The following IL4R variants were observed in gnomAD, a reference collection of about 807,000 sequenced individuals.
IL4R encodes the protein interleukin-4 receptor subunit alpha.
Under a neutral mutation model 41.5 loss-of-function variants are expected in IL4R, and 17 were observed. The observed-to-expected ratio is 0.41, with a 90% confidence interval of 0.28 to 0.61. The LOEUF (loss-of-function observed/expected upper bound fraction) is 0.61. Ranked by LOEUF, IL4R falls within the 20% of genes least tolerant of loss-of-function variation. The probability of loss-of-function intolerance (pLI) is 0.31; values close to 1 mark genes in which losing one functional copy is unlikely to be tolerated. For synonymous variants in IL4R, 402 were observed against 422.9 expected (o/e 0.95, Z 0.61); for missense variants, 974 against 1,043.1 (o/e 0.93, Z 0.91).
rs372423330 is a variant in IL4R at position 27,323,337 on chromosome 16, C to T, written c.-151-6729C>T. Among the ~76,000 whole-genome samples the T allele has an allele frequency of 7.9e-5, 12 of 152,224 alleles. No homozygotes were observed. The East Asian group carries it at 2.3e-3, about 29-fold the overall frequency. On this transcript the variant is annotated intron_variant, in intron 1 of 10. Transcript: ENST00000395762. ...CGGGCAAATTCTGAACCTCCCTCAG[C>T]CTCATTCCTCCATCTGTGCTTGCAG... is the stretch of plus-strand genomic sequence containing the variant.
chr16:27,345,004 C>G lies in IL4R; in HGVS notation c.345C>G (p.Phe115Leu). 1.3e-6 allele frequency: 2 copies of G among 1,589,950 alleles called. No homozygotes were observed. The highest frequency in any genetic ancestry group is 1.1e-5 in the South Asian group (1 of 90,736). Residue 115 changes from phenylalanine to leucine, a missense_variant, in exon 5 of 11, where the codon TTC (phenylalanine) becomes TTG (leucine). By Grantham distance (22) the Phe-to-Leu change is conservative. Transcript: ENST00000395762. The surrounding 1 kb of genome is among the most constrained non-coding windows in gnomAD (Gnocchi z 4.5). The stretch of plus-strand genomic sequence containing the variant: ...AGCAGCTGCTGTGGAAGGGCTCCTT[C>G]AAGCCCAGCGAGCATGGTGAGCAGG... ...AGQQLLWKGS[F>L]KPSEHVKPRA...
chr16:27,336,185 C>T (rs1304568425), intron 2 of IL4R, among the ~76,000 whole-genome samples: 1 of 152,136 alleles, frequency 6.6e-6, no homozygotes, highest in Non-Finnish European at 1.5e-5. Flanking sequence ...GCTCGGAACA[C>T]TTGCATTAGC....
chr16:27,356,584 C>T (rs2086088656), intron 8 of IL4R, among the ~76,000 whole-genome samples: 1 of 152,022 alleles, frequency 6.6e-6, no homozygotes, highest in Non-Finnish European at 1.5e-5. Flanking sequence ...TTGAGGGGGG[C>T]CCTGACTGGG....
chr16:27,347,353 G>C (rs1433297320), intron 6 of IL4R, among the ~76,000 whole-genome samples: 1 of 152,126 alleles, frequency 6.6e-6, no homozygotes, highest in African/African-American at 2.4e-5. Flanking sequence ...ACCGTGCCCA[G>C]CTAATTTTTG....
At position 27,363,751 on chromosome 16, in the gene IL4R, G is replaced by A. The variant is rs868069066; in HGVS notation, c.2399G>A (p.Gly800Asp). 1 of 1,612,986 alleles carries A rather than the reference G, an allele frequency of 6.2e-7. No homozygotes were observed. The change falls in exon 11 of 11, where the codon GGC (glycine) becomes GAC (aspartate). Residue 800 changes from glycine to aspartate, a missense_variant. Gly to Asp is a moderately conservative substitution (Grantham distance 94). Coordinates refer to ENST00000395762, the MANE Select transcript of IL4R (RefSeq NM_000418.4). The stretch of plus-strand genomic sequence containing the variant: ...TCATCATCCTTCCATCCTGCCCCTG[G>A]CAATGCTCAGAGCTCAAGCCAGACC... The part of the protein sequence containing the change: ...KSSSSFHPAP[G>D]NAQSSSQTPK...
In IL4R at chr16:27,323,084, C is replaced by T. The variant is rs114784060; in HGVS notation, c.-151-6982C>T. On this transcript the variant is annotated intron_variant, in intron 1 of 10. Coordinates refer to ENST00000395762, the MANE Select transcript of IL4R (RefSeq NM_000418.4). ...ATGGGGTGAGACAACAGGAAGAGCT[C>T]CATGGGTAGTCCCCACCCACTGCCT... Among the ~76,000 whole-genome samples, 712 of 152,290 alleles carry T rather than the reference C, an allele frequency of 4.7e-3. 4 individuals are homozygous for T. The highest frequency in any genetic ancestry group is 0.018 in the South Asian group (86 of 4,826).
rs1457619248 is a variant in IL4R at position 27,362,740 on chromosome 16, A to G, written c.1388A>G (p.Gln463Arg). The G allele has an allele frequency of 1.2e-6, 2 of 1,613,974 alleles. No individual in the cohort carries two copies. The highest frequency in any genetic ancestry group is 2.7e-5 in the African/African-American group (2 of 74,914). The change falls in exon 11 of 11, where the codon CAG becomes CGG. Residue 463 changes from glutamine to arginine, a missense_variant. Physicochemically the swap from Gln to Arg is conservative, Grantham distance 43 (BLOSUM62 1). This residue lies in a region of IL4R where 682 missense variants were observed against 704.3 expected (regional missense o/e 0.97). Transcript: ENST00000395762. ...GAGGCACCTCCCTGGGGCAAGGAGCAGCCTCTCCACCTGGAGCCAAGTCCT... is the reference window on the plus strand; with the variant it reads ...GAGGCACCTCCCTGGGGCAAGGAGCGGCCTCTCCACCTGGAGCCAAGTCCT... ...PKEAPPWGKEQPLHLEPSPPA... is the reference protein window; with the variant it reads ...PKEAPPWGKERPLHLEPSPPA...
chr16:27,360,999 C>T, intron 10 of IL4R, 184 bp downstream of exon 10: 2 of 1,471,366 alleles, frequency 1.4e-6, no homozygotes, highest in South Asian at 2.7e-5. Context: ...GCCAAGCCCC[C>T]TGAGTTTCAC....
At chr16:27,336,080 G>GT (rs1466369390) in intron 2 of IL4R, among the ~76,000 whole-genome samples, 10 of 152,048 alleles carry the variant, frequency 6.6e-5, no homozygotes, top group Admixed American at 3.3e-4. Context: ...TAATGATGGG[G>GT]TTTTGTCCCC....
chr16:27,316,284 G>C (rs1211635355), intron 1 of IL4R, among the ~76,000 whole-genome samples: 1 of 152,150 alleles, frequency 6.6e-6, no homozygotes, highest in East Asian at 1.9e-4. Context: ...GTGGGAGGAT[G>C]GCTTGAGCCC....
At chr16:27,331,169 AC>A (rs1486320402) in intron 2 of IL4R, among the ~76,000 whole-genome samples, 4 of 152,036 alleles carry the variant, frequency 2.6e-5, no homozygotes, top group Admixed American at 6.6e-5. Flanking sequence ...GATTCTGTGA[AC>A]CCCTAAAATG....
chr16:27,346,978 CAA>C (rs1349559021), intron 6 of IL4R, among the ~76,000 whole-genome samples: 18 of 152,346 alleles, frequency 1.2e-4, no homozygotes, highest in Admixed American at 1.1e-3. Context: ...AATACTGACT[CAA>C]GAGACAGTGA....
rs904935148 is a variant in IL4R at position 27,359,002 on chromosome 16, T to G, written c.849+8T>G. 5 of 1,607,810 alleles carry G rather than the reference T, an allele frequency of 3.1e-6. No homozygotes were observed. In the African/African-American group the frequency reaches 6.7e-5, roughly 22 times the overall value. ...ATAATCCAGGATGCTCAGGTAGGAGTAGGCGTGGATGAGGACATGTGGGAC... is the reference window on the plus strand; with the variant it reads ...ATAATCCAGGATGCTCAGGTAGGAGGAGGCGTGGATGAGGACATGTGGGAC... On this transcript the variant is annotated splice_region_variant and intron_variant, in intron 9 of 10. Coordinates refer to ENST00000395762, the MANE Select transcript of IL4R (RefSeq NM_000418.4).
At chr16:27,313,878 C>CG, upstream of IL4R, 2 of 979,262 alleles carry the variant, frequency 2.0e-6, no homozygotes, top group Non-Finnish European at 2.4e-6. Flanking sequence ...TGCCGGGCGC[C>CG]GGGGCGGGGA....
chr16:27,363,212 T>C lies in IL4R; in HGVS notation c.1860T>C (p.Cys620=). 3.7e-6 allele frequency: 6 copies of C among 1,609,250 alleles called. No homozygotes were observed. The highest frequency in any genetic ancestry group is 4.2e-6 in the Non-Finnish European group (5 of 1,177,222). The change falls in exon 11 of 11, where the codon TGT becomes TGC. Residue 620 remains cysteine, a synonymous_variant. Coordinates refer to ENST00000395762, the MANE Select transcript of IL4R (RefSeq NM_000418.4). ...LASSAVSPEK[C]GFGASSGEEG... ...GCAGTGCTGTGTCCCCAGAGAAATG[T>C]GGGTTTGGGGCTAGCAGTGGGGAAG...
At chr16:27,344,844 C>A (rs1443816615) in intron 4 of IL4R, 25 bp from the exon 5 acceptor site, 1 of 1,612,880 alleles carries the variant, frequency 6.2e-7, no homozygotes, top group Non-Finnish European at 8.5e-7. Context: ...AGGTGACCAG[C>A]CTAACCCAGC....
rs771384940 is a variant in IL4R at position 27,363,154 on chromosome 16, C to T, written c.1802C>T (p.Ala601Val). 4 of 1,613,138 alleles carry T rather than the reference C, an allele frequency of 2.5e-6. No individual in the cohort carries two copies. The South Asian group carries it at 4.4e-5, about 18-fold the overall frequency. ...GTGGGCTTGGGTCCCCCAGGAGAGG[C>T]TGGTTACAAGGCCTTCTCAAGCCTG... The part of the protein sequence containing the change: ...AVVGLGPPGE[A>V]GYKAFSSLLA... Residue 601 changes from alanine (A) to valine (V), a missense_variant, in exon 11 of 11, where the codon GCT (alanine) becomes GTT (valine). Ala to Val is a moderately conservative substitution (Grantham distance 64). Around this residue, in one of 3 missense-constraint regions of IL4R, gnomAD observed 682 missense variants for 704.3 expected, o/e 0.97. Coordinates refer to ENST00000395762, the MANE Select transcript of IL4R (RefSeq NM_000418.4).
rs778603251 is a variant in IL4R at position 27,363,786 on chromosome 16, G to A, written c.2434G>A (p.Val812Met). The A allele has an allele frequency of 1.7e-5, 28 of 1,609,502 alleles. No homozygotes were observed. In the East Asian group the frequency reaches 2.2e-4, roughly 13 times the overall value. The change falls in exon 11 of 11, where the codon GTG becomes ATG. Residue 812 changes from valine (V) to methionine (M), a missense_variant. This residue lies in a region of IL4R where 682 missense variants were observed against 704.3 expected (regional missense o/e 0.97). Transcript: ENST00000395762. ...AQSSSQTPKI[V>M]NFVSVGPTYM... ...GAGCTCAAGCCAGACCCCCAAAATC[G>A]TGAACTTTGTCTCCGTGGGACCCAC...
In IL4R at chr16:27,342,246, T is replaced by C; in HGVS notation, c.196T>C (p.Phe66Leu). The C allele has an allele frequency of 6.2e-7, 1 of 1,614,196 alleles. No homozygotes were observed. Among genetic ancestry groups the C allele is most frequent in the African/African-American group, 1.3e-5 (1 of 75,052 alleles). The change falls in exon 4 of 11, where the codon TTT becomes CTT. Residue 66 changes from phenylalanine (F) to leucine (L), a missense_variant. Transcript: ENST00000395762. ...TELRLLYQLV[F>L]LLSEAHTCIP... ...GCTCCGCCTGTTGTACCAGCTGGTT[T>C]TTCTGCTCTCCGAGTAAGCCTGCGC...
Sources: allele counts gnomAD v4.1 joint callset (sites outside exome capture counted in the v4.1 genomes callset), GRCh38; gene constraint gnomAD v4.1.1; regional missense constraint gnomAD v4.1.1; non-coding constraint Gnocchi (gnomAD v3.1); transcripts MANE v1.5; gene names NCBI Gene and HGNC (gene_info 2026-07-23, HGNC 2026-07-21).